SFT2D1: variants seen among roughly 807,000 people sequenced by gnomAD.
SFT2D1 encodes SFT2 domain containing 1.
SFT2D1 carries 24 observed loss-of-function variants against 28.1 expected under a neutral mutation model. That is an observed-to-expected ratio of 0.85 (90% CI 0.62 to 1.20). The LOEUF (loss-of-function observed/expected upper bound fraction) is 1.20, where lower values mean the gene tolerates loss of function less well. Among genes scored for constraint, SFT2D1 ranks in the 50% most tolerant of loss-of-function variants. SFT2D1 has a pLI of 0.00. For missense variants in SFT2D1, 181 were observed against 190.9 expected (o/e 0.95, Z 0.31); for synonymous variants, 82 against 73.7 (o/e 1.11, Z -0.58).
chr6:166,341,857 C>T (rs917888902), intron 1 of SFT2D1, among the ~76,000 whole-genome samples: 3 of 151,870 alleles, frequency 2.0e-5, no homozygotes, highest in African/African-American at 7.3e-5. Flanking sequence ...CTTACCAGGG[C>T]TCACTGCCTT....
chr6:166,342,014 T>G (rs1395314044), intron 1 of SFT2D1, among the ~76,000 whole-genome samples: 1 of 152,146 alleles, frequency 6.6e-6, no homozygotes, highest in Admixed American at 6.5e-5. Context: ...TGCAACAAGC[T>G]TTAGGGTCTC....
intron 1 of SFT2D1, among the ~76,000 whole-genome samples, chr6:166,336,855 C>T (rs1778665448): frequency 6.6e-6 from 1 of 152,150 alleles, no homozygotes; most frequent in Non-Finnish European, 1.5e-5. Flanking sequence ...TAGGCATGAG[C>T]CACTGCATGT....
At chr6:166,326,638 C>A (rs954201693) in intron 4 of SFT2D1, among the ~76,000 whole-genome samples, 1 of 152,182 alleles carries the variant, frequency 6.6e-6, no homozygotes, top group Non-Finnish European at 1.5e-5. Flanking sequence ...AGAGTGCATC[C>A]GTGATGGGCT....
chr6:166,326,797 T>C (rs1778452114), intron 4 of SFT2D1, among the ~76,000 whole-genome samples: 1 of 152,238 alleles, frequency 6.6e-6, no homozygotes, highest in Admixed American at 6.5e-5. Flanking sequence ...TCCCACGTTC[T>C]CTCAACATGT....
chr6:166,341,650 T>C (rs1032879908), intron 1 of SFT2D1, among the ~76,000 whole-genome samples: 2 of 152,056 alleles, frequency 1.3e-5, no homozygotes, highest in African/African-American at 2.4e-5. Context: ...TGAAATACAA[T>C]TCAATTTTAA....
At chr6:166,335,361 A>G (rs1178906203) in intron 1 of SFT2D1, 3 of 575,998 alleles carry the variant, frequency 5.2e-6, no homozygotes, top group East Asian at 4.4e-5. Context: ...AGAAGCTCCA[A>G]TGATTTTGGC....
intron 1 of SFT2D1, among the ~76,000 whole-genome samples, chr6:166,336,618 C>T (rs1309951800): frequency 6.6e-6 from 1 of 152,188 alleles, no homozygotes; most frequent in African/African-American, 2.4e-5. Context: ...TCTGAGTCCT[C>T]ACACGATGGA....
chr6:166,338,446 GA>G (rs1778705833), intron 1 of SFT2D1, among the ~76,000 whole-genome samples: 1 of 152,192 alleles, frequency 6.6e-6, no homozygotes, highest in Non-Finnish European at 1.5e-5. Context: ...ATAAACTAAT[GA>G]GGCAGGTTCT....
chr6:166,330,907 C>T (rs561541813), intron 1 of SFT2D1, among the ~76,000 whole-genome samples: 2 of 152,326 alleles, frequency 1.3e-5, no homozygotes, highest in South Asian at 2.1e-4. Flanking sequence ...GATCACAGCA[C>T]GCACCAGACG....
intron 7 of SFT2D1, among the ~76,000 whole-genome samples, chr6:166,322,463 G>T (rs972735272): frequency 1.3e-5 from 2 of 151,814 alleles, no homozygotes; most frequent in African/African-American, 2.4e-5. Flanking sequence ...AGGCTGAGGC[G>T]GTAGGATCAC....
At chr6:166,322,987 G>T in intron 6 of SFT2D1, 101 bp from the exon 7 acceptor site, 1 of 933,938 alleles carries the variant, frequency 1.1e-6, no homozygotes. Flanking sequence ...AGCAGCATGA[G>T]ACTGTACAGT....
chr6:166,330,218 G>A lies in SFT2D1; in HGVS notation c.93C>T (p.Asn31=), dbSNP rs139810206. 15 of 1,605,554 alleles carry A rather than the reference G, an allele frequency of 9.3e-6. No homozygotes were observed. The African/African-American group carries it at 1.6e-4, about 17-fold the overall frequency. ...AGATGGCAAACCATTTCAATCTGGTGTTGAAACTAAGGGATGAGGCATCCA... is the reference window on the plus strand; with the variant it reads ...AGATGGCAAACCATTTCAATCTGGTATTGAAACTAAGGGATGAGGCATCCA... ...QVLDASSLSF[N]TRLKWFAICF... The change falls in exon 2 of 8, where the codon AAC becomes AAT. Residue 31 remains asparagine (N), a synonymous_variant. Coordinates refer to ENST00000361731, the MANE Select transcript of SFT2D1 (RefSeq NM_145169.3).
intron 1 of SFT2D1, among the ~76,000 whole-genome samples, chr6:166,336,566 T>C (rs1029011105): frequency 4.6e-5 from 7 of 152,180 alleles, no homozygotes; most frequent in African/African-American, 1.7e-4. Context: ...CGCCAGCAGA[T>C]TCGGCGTCTG....
intron 3 of SFT2D1, 107 bp from the exon 4 acceptor site, chr6:166,328,464 A>C (rs111436591): frequency 4.8e-6 from 3 of 618,748 alleles, no homozygotes; most frequent in African/African-American, 1.9e-5. Context: ...TTATTTAATT[A>C]AAATCTCTCA....
At chr6:166,321,512 G>C (rs1043679177) in intron 7 of SFT2D1, among the ~76,000 whole-genome samples, 113 of 152,104 alleles carry the variant, frequency 7.4e-4, no homozygotes, top group Non-Finnish European at 3.1e-4. Context: ...CTGTTAAGCA[G>C]CTTTCTCACC....
In SFT2D1 at chr6:166,330,280, T is replaced by C. The variant is rs769557631; in HGVS notation, c.64-33A>G. 11 of 1,380,330 alleles carry C rather than the reference T, an allele frequency of 8.0e-6. No homozygotes were observed. In the Admixed American group the frequency reaches 2.3e-4, roughly 29 times the overall value. 85.5% of individuals were successfully genotyped at this position (1,380,330 alleles called of 1,614,324 possible). A position where few individuals can be genotyped will look rare whatever the true frequency, so the allele number is the denominator to read the frequency against. ...AAAAATGGGAAAATTTAGAATATAGTCTTAATTCACTACCAATCTGATTCT... is the reference window on the plus strand; with the variant it reads ...AAAAATGGGAAAATTTAGAATATAGCCTTAATTCACTACCAATCTGATTCT... On this transcript the variant is annotated intron_variant, in intron 1 of 7. Coordinates refer to ENST00000361731, the MANE Select transcript of SFT2D1 (RefSeq NM_145169.3).
intron 1 of SFT2D1, among the ~76,000 whole-genome samples, chr6:166,342,125 G>A (rs1778793167): frequency 6.6e-6 from 1 of 152,190 alleles, no homozygotes; most frequent in South Asian, 2.1e-4. Context: ...AATAGTACGT[G>A]GGAGCGATGG....
In SFT2D1 at chr6:166,320,176, G is replaced by A; in HGVS notation, c.*41C>T. 6.3e-7 allele frequency: 1 copy of A among 1,596,836 alleles called. No homozygotes were observed. Among genetic ancestry groups the A allele is most frequent in the Non-Finnish European group, 8.6e-7 (1 of 1,167,148 alleles). ...AAAAGCAAACTTCACCAAACATAGAGTACCAACATTCAAGTGCTCTTTTCC... is the reference window on the plus strand; with the variant it reads ...AAAAGCAAACTTCACCAAACATAGAATACCAACATTCAAGTGCTCTTTTCC... On this transcript the variant is annotated 3_prime_UTR_variant, in exon 8 of 8. Coordinates refer to ENST00000361731, the MANE Select transcript of SFT2D1 (RefSeq NM_145169.3).
intron 7 of SFT2D1, among the ~76,000 whole-genome samples, chr6:166,321,263 A>G (rs939599360): frequency 6.6e-6 from 1 of 152,216 alleles, no homozygotes; most frequent in Non-Finnish European, 1.5e-5. Context: ...GCTTTTACCT[A>G]GGCCATAAAA....
Sources: allele counts gnomAD v4.1 joint callset (sites outside exome capture counted in the v4.1 genomes callset), GRCh38; gene constraint gnomAD v4.1.1; transcripts MANE v1.5; gene names NCBI Gene and HGNC (gene_info 2026-07-23, HGNC 2026-07-21).